MAP2K4: variants seen among roughly 807,000 people sequenced by gnomAD.
MAP2K4 encodes mitogen-activated protein kinase kinase 4.
A neutral mutation model predicts 48.5 loss-of-function variants in MAP2K4; 4 were observed. The observed-to-expected ratio is 0.08, with a 90% CI of 0.04 to 0.19. The LOEUF (loss-of-function observed/expected upper bound fraction) is 0.19, where lower values mean the gene tolerates loss of function less well. Ranked by LOEUF, MAP2K4 falls within the 10% of genes least tolerant of loss-of-function variation. MAP2K4 has a pLI of 1.00. For missense variants in MAP2K4, 258 were observed against 493.3 expected, an observed-to-expected ratio of 0.52 and a Z score of 4.52; for synonymous variants, 166 against 173.1, an observed-to-expected ratio of 0.96 and a Z score of 0.32.
intron 1 of MAP2K4, among the ~76,000 whole-genome samples, chr17:12,029,628 C>T (rs1969369099): frequency 6.6e-6 from 1 of 152,010 alleles, no homozygotes; most frequent in Admixed American, 6.6e-5. Context: ...ATTTCGGAGA[C>T]AAGGGAGACT....
intron 4 of MAP2K4, among the ~76,000 whole-genome samples, chr17:12,096,663 C>T (rs1178153264): frequency 6.6e-6 from 1 of 152,140 alleles, no homozygotes; most frequent in African/African-American, 2.4e-5. Context: ...AGAGTGTATC[C>T]TTGGGGTTTT....
intron 3 of MAP2K4, among the ~76,000 whole-genome samples, chr17:12,088,568 A>AATATATATAATATATAATATATATTAAAT (rs370589423): frequency 0.15 from 20,615 of 133,034 alleles, 2,182 homozygotes; most frequent in South Asian, 0.28. Context: ...ATATATATTA[A>AATATATATAATATATAATATATATTAAAT]ATATATAATA....
chr17:12,129,907 G>A (rs1338403540), intron 9 of MAP2K4, among the ~76,000 whole-genome samples: 4 of 152,174 alleles, frequency 2.6e-5, no homozygotes, highest in Non-Finnish European at 5.9e-5. Flanking sequence ...AACATATGCA[G>A]ATATGGCAGT....
chr17:12,025,940 A>G (rs1350064103), intron 1 of MAP2K4, among the ~76,000 whole-genome samples: 1 of 152,190 alleles, frequency 6.6e-6, no homozygotes, highest in African/African-American at 2.4e-5. Context: ...TTGTGCAGAC[A>G]GTGAAGAGTT....
At chr17:12,072,243 T>C (rs965661464) in intron 2 of MAP2K4, among the ~76,000 whole-genome samples, 2 of 152,204 alleles carry the variant, frequency 1.3e-5, no homozygotes, top group Admixed American at 1.3e-4. Context: ...AAAGTGTTAC[T>C]AGGACTGTAG....
chr17:12,021,361 G>A (rs985843042), intron 1 of MAP2K4: 2 of 156,908 alleles, frequency 1.3e-5, no homozygotes, highest in Admixed American at 1.3e-4. Flanking sequence ...GAACGCGCCG[G>A]CTCGGGGCTG....
intron 10 of MAP2K4, 82 bp downstream of exon 10, chr17:12,139,966 G>A: frequency 1.2e-6 from 1 of 845,050 alleles, no homozygotes; most frequent in Non-Finnish European, 1.8e-6. Context: ...GCAAGCAGTG[G>A]GCCTCTCTGT....
At chr17:12,057,737 C>G (rs748126910) in intron 2 of MAP2K4, among the ~76,000 whole-genome samples, 16 of 152,110 alleles carry the variant, frequency 1.1e-4, no homozygotes, top group Non-Finnish European at 1.8e-4. Context: ...TTTTCTTACT[C>G]TGTATCCTGG....
intron 4 of MAP2K4, among the ~76,000 whole-genome samples, chr17:12,103,660 TTTAAC>T (rs1411209472): frequency 1.3e-5 from 2 of 152,150 alleles, no homozygotes; most frequent in African/African-American, 4.8e-5. Flanking sequence ...GAGTGTTTCC[TTTAAC>T]TTGTTTGTTT....
chr17:12,067,060 G>A (rs538639534), intron 2 of MAP2K4, among the ~76,000 whole-genome samples: 1 of 152,218 alleles, frequency 6.6e-6, no homozygotes, highest in East Asian at 1.9e-4. Flanking sequence ...TGCCTCAAGT[G>A]ATCCACCCAC....
chr17:12,031,739 G>A (rs556610295), intron 1 of MAP2K4, among the ~76,000 whole-genome samples: 1 of 152,172 alleles, frequency 6.6e-6, no homozygotes, highest in South Asian at 2.1e-4. Context: ...AAGAATTTCA[G>A]CCCCTCTTCA....
chr17:12,084,950 C>T (rs1243849240), intron 3 of MAP2K4, among the ~76,000 whole-genome samples: 1 of 152,080 alleles, frequency 6.6e-6, no homozygotes, highest in African/African-American at 2.4e-5. Flanking sequence ...AATGTCACAG[C>T]TTAGACCATG....
intron 7 of MAP2K4, among the ~76,000 whole-genome samples, chr17:12,118,866 T>G (rs979568681): frequency 6.6e-6 from 1 of 152,204 alleles, no homozygotes; most frequent in Non-Finnish European, 1.5e-5. Flanking sequence ...CTGTGACTAT[T>G]CAGTGATGAT....
At chr17:12,062,532 T>C (rs1172333380) in intron 2 of MAP2K4, among the ~76,000 whole-genome samples, 2 of 152,286 alleles carry the variant, frequency 1.3e-5, no homozygotes, top group Middle Eastern at 3.4e-3. Context: ...GGACAGGGTC[T>C]TGCTATGTTG....
chr17:12,139,769 A>T (rs1479495491), intron 9 of MAP2K4, 70 bp from the exon 10 acceptor site: 1 of 1,074,626 alleles, frequency 9.3e-7, no homozygotes, highest in Non-Finnish European at 1.4e-6. Flanking sequence ...GTAATATTTC[A>T]TCTGTGAAAA....
At chr17:12,120,171 A>T (rs777442781) in intron 7 of MAP2K4, among the ~76,000 whole-genome samples, 5 of 152,188 alleles carry the variant, frequency 3.3e-5, no homozygotes, top group African/African-American at 4.8e-5. Flanking sequence ...TAAAAAAAAT[A>T]AAAATTAGGC....
At chr17:12,029,919 A>T (rs1969378883) in intron 1 of MAP2K4, among the ~76,000 whole-genome samples, 1 of 151,672 alleles carries the variant, frequency 6.6e-6, no homozygotes. Context: ...CTGTCTCTAA[A>T]AAAAAAAAAG....
chr17:12,045,428 G>C (rs1424689000), intron 1 of MAP2K4, among the ~76,000 whole-genome samples: 1 of 152,170 alleles, frequency 6.6e-6, no homozygotes, highest in Non-Finnish European at 1.5e-5. Context: ...GAGAGTATCT[G>C]ATATGTGCTT....
At chr17:12,073,396 A>G (rs1012468637) in intron 2 of MAP2K4, among the ~76,000 whole-genome samples, 1 of 152,182 alleles carries the variant, frequency 6.6e-6, no homozygotes, top group Admixed American at 6.5e-5. Flanking sequence ...TTGTATTTTT[A>G]TATTGCTGTT....
Sources: allele counts gnomAD v4.1 joint callset (sites outside exome capture counted in the v4.1 genomes callset), GRCh38; gene constraint gnomAD v4.1.1; transcripts MANE v1.5; gene names NCBI Gene and HGNC (gene_info 2026-07-23, HGNC 2026-07-21).